Variants in EPB41L2 observed in about 807,000 individuals in gnomAD.
EPB41L2 encodes the protein erythrocyte membrane protein band 4.1 like 2, also known as band 4.1-like protein 2.
In EPB41L2, 43 loss-of-function variants were observed where a neutral mutation model predicts 113.0. That is an observed-to-expected ratio of 0.38 (90% confidence interval 0.30 to 0.49). The LOEUF is 0.49. Ranked by LOEUF, EPB41L2 falls within the 20% of genes least tolerant of loss-of-function variation. The pLI is 0.95. For synonymous variants in EPB41L2, 442 were observed against 436.7 expected (o/e 1.01, Z -0.15); for missense variants, 1,147 against 1,223.4 (o/e 0.94, Z 0.93).
At chr6:130,867,969 CA>C (rs1562338271) in intron 15 of EPB41L2, 1 of 99,168 alleles carries the variant, frequency 1.0e-5, no homozygotes, top group Non-Finnish European at 1.9e-5. Flanking sequence ...CACACACACA[CA>C]CACTCTCTCT....
chr6:131,061,469 G>A (rs139218458), intron 1 of EPB41L2, among the ~76,000 whole-genome samples: 22 of 152,292 alleles, frequency 1.4e-4, no homozygotes, highest in African/African-American at 4.6e-4. Context: ...CAAAAGTTGT[G>A]TCAAACTCAC....
chr6:130,878,323 A>G, intron 13 of EPB41L2, 73 bp from the exon 14 acceptor site: 12 of 1,487,798 alleles, frequency 8.1e-6, no homozygotes, highest in Non-Finnish European at 9.9e-6. Context: ...AAATAAAACC[A>G]AAAAATAAGA....
intron 14 of EPB41L2, among the ~76,000 whole-genome samples, chr6:130,871,583 G>A (rs1479552121): frequency 2.0e-5 from 3 of 152,080 alleles, no homozygotes; most frequent in Non-Finnish European, 2.9e-5. Context: ...CACTGTCAAC[G>A]TCTACTCACA....
intron 10 of EPB41L2, among the ~76,000 whole-genome samples, chr6:130,893,454 G>A (rs1475104507): frequency 1.3e-5 from 2 of 152,190 alleles, no homozygotes; most frequent in Non-Finnish European, 2.9e-5. Flanking sequence ...CCCACACAGT[G>A]GAGGGCATCA....
chr6:130,951,272 G>C (rs1189097495), intron 3 of EPB41L2, among the ~76,000 whole-genome samples: 1 of 134,960 alleles, frequency 7.4e-6, no homozygotes, highest in East Asian at 2.1e-4. Flanking sequence ...AGGAGGGGGA[G>C]GGGGGGAGGG....
chr6:130,947,024 C>G (rs1033689421), intron 3 of EPB41L2, among the ~76,000 whole-genome samples: 5 of 143,864 alleles, frequency 3.5e-5, no homozygotes, highest in East Asian at 2.1e-4. Flanking sequence ...AAGACCCCCC[C>G]CCCAGCCCCT....
At chr6:130,957,501 G>A (rs1817830312) in intron 1 of EPB41L2, among the ~76,000 whole-genome samples, 1 of 152,044 alleles carries the variant, frequency 6.6e-6, no homozygotes, top group Admixed American at 6.6e-5. Context: ...ATCTTCAAAG[G>A]TGGTAAAAAC....
intron 1 of EPB41L2, among the ~76,000 whole-genome samples, chr6:131,055,950 G>T (rs150751763): frequency 1.3e-5 from 2 of 152,098 alleles, no homozygotes; most frequent in African/African-American, 2.4e-5. Context: ...CATAAAATGC[G>T]TGCGTCAGGG....
intron 19 of EPB41L2, among the ~76,000 whole-genome samples, chr6:130,852,049 T>C (rs1362392895): frequency 2.0e-5 from 3 of 152,202 alleles, no homozygotes; most frequent in Admixed American, 1.3e-4. Context: ...TTCACATGCA[T>C]CTCAAACTCA....
At chr6:130,977,386 C>A (rs1445381869) in intron 1 of EPB41L2, among the ~76,000 whole-genome samples, 1 of 152,142 alleles carries the variant, frequency 6.6e-6, no homozygotes, top group East Asian at 1.9e-4. Flanking sequence ...CAAGATCTCA[C>A]CAGGATAGAT....
intron 1 of EPB41L2, among the ~76,000 whole-genome samples, chr6:130,996,312 C>T (rs1408671632): frequency 1.3e-5 from 2 of 152,340 alleles, no homozygotes; most frequent in East Asian, 3.9e-4. Context: ...AACACTGGAA[C>T]CCCTGTGTAC....
chr6:130,880,646 G>T, intron 12 of EPB41L2: 1 of 455,288 alleles, frequency 2.2e-6, no homozygotes, highest in African/African-American at 2.0e-5. Flanking sequence ...AAGCCTCTTT[G>T]GTCTTTCTTC....
intron 1 of EPB41L2, among the ~76,000 whole-genome samples, chr6:130,987,463 C>T (rs1462186197): frequency 3.3e-5 from 5 of 152,088 alleles, no homozygotes; most frequent in African/African-American, 7.2e-5. Flanking sequence ...GAGGCCAAGA[C>T]AGGTGGATCA....
chr6:130,948,193 A>G (rs1383982199), intron 3 of EPB41L2, among the ~76,000 whole-genome samples: 1 of 152,158 alleles, frequency 6.6e-6, no homozygotes, highest in Admixed American at 6.5e-5. Flanking sequence ...AAAAATGAAG[A>G]CTCCTATGCT....
intron 1 of EPB41L2, among the ~76,000 whole-genome samples, chr6:131,023,884 G>A (rs983528316): frequency 2.0e-5 from 3 of 151,600 alleles, no homozygotes; most frequent in African/African-American, 7.3e-5. Context: ...AACAAATATT[G>A]GAGAAAACTG....
At chr6:130,846,245 T>C (rs1279392612) in intron 19 of EPB41L2, among the ~76,000 whole-genome samples, 1 of 152,240 alleles carries the variant, frequency 6.6e-6, no homozygotes, top group Non-Finnish European at 1.5e-5. Flanking sequence ...AGTTTGATCA[T>C]ACAACATATA....
Position 131,025,373 on chromosome 6 carries a change from T to C in EPB41L2, c.-15+37782A>G, listed in dbSNP as rs993776937. Among the ~76,000 whole-genome samples, 11 of 152,318 alleles carry C rather than the reference T, an allele frequency of 7.2e-5. No homozygotes were observed. The East Asian group carries it at 1.7e-3, about 24-fold the overall frequency. On this transcript the variant is annotated intron_variant, in intron 1 of 19. Transcript: ENST00000337057. ...AACTTACGGCATGAATTGTTGCCTT[T>C]TTTATAGACTTGTTTTAAAGATGCT...
rs1792367634 is a variant in EPB41L2 at position 130,890,294 on chromosome 6, C to G, written c.1660G>C (p.Ala554Pro). The G allele has an allele frequency of 6.2e-7, 1 of 1,602,570 alleles. No homozygotes were observed. The highest frequency in any genetic ancestry group is 1.1e-5 in the South Asian group (1 of 88,444). The change falls in exon 11 of 20, where the codon GCT becomes CCT. Residue 554 changes from alanine to proline, a missense_variant and splice_region_variant. Ala to Pro is a conservative substitution (Grantham distance 27). Transcript: ENST00000337057. ...SKRVSRSLDGAPIGVMDQSLM... is the reference protein window; with the variant it reads ...SKRVSRSLDGPPIGVMDQSLM... ...TCAAAATTATCATAAATGTGTTTACCTCCATCTAGACTCCTGGAGACCCGT... is the reference window on the plus strand; with the variant it reads ...TCAAAATTATCATAAATGTGTTTACGTCCATCTAGACTCCTGGAGACCCGT...
At chr6:130,984,525 G>A (rs1369234974) in intron 1 of EPB41L2, among the ~76,000 whole-genome samples, 2 of 152,178 alleles carry the variant, frequency 1.3e-5, no homozygotes, top group Non-Finnish European at 2.9e-5. Flanking sequence ...ACCTCCACTA[G>A]AATCTTATGG....
Sources: allele counts gnomAD v4.1 joint callset (sites outside exome capture counted in the v4.1 genomes callset), GRCh38; gene constraint gnomAD v4.1.1; transcripts MANE v1.5; gene names NCBI Gene and HGNC (gene_info 2026-07-23, HGNC 2026-07-21).